PITPNC1: variants seen among roughly 807,000 people sequenced by gnomAD.
PITPNC1 encodes the protein cytoplasmic phosphatidylinositol transfer protein 1.
Under a neutral mutation model 44.7 loss-of-function variants are expected in PITPNC1, and 18 were observed. The ratio of observed to expected loss-of-function variants is 0.40; its 90% CI spans 0.28 to 0.60. The LOEUF (loss-of-function observed/expected upper bound fraction) is 0.60. Ranked by LOEUF, PITPNC1 falls within the 20% of genes least tolerant of loss-of-function variation. PITPNC1 has a pLI of 0.39. For synonymous variants in PITPNC1, 141 were observed against 149.6 expected, an observed-to-expected ratio of 0.94 and a Z score of 0.42; for missense variants, 290 against 418.4, an observed-to-expected ratio of 0.69 and a Z score of 2.68.
intron 1 of PITPNC1, among the ~76,000 whole-genome samples, chr17:67,411,448 G>T (rs1390446300): frequency 1.3e-5 from 2 of 152,128 alleles, no homozygotes; most frequent in Admixed American, 1.3e-4. Context: ...GGGCCGGGGA[G>T]GTGAGCAGCC....
At position 67,494,050 on chromosome 17, in the gene PITPNC1, G is replaced by A. The variant is rs372140149; in HGVS notation, c.49-38752G>A. Among the ~76,000 whole-genome samples, 55 of 152,230 alleles carry A rather than the reference G, an allele frequency of 3.6e-4. No individual in the cohort carries two copies. In the South Asian group the frequency reaches 5.2e-3, roughly 14 times the overall value. ...CAGACAAACCATCCCCTGTCCTTGC[G>A]GAGCTGACCTTCCAGTGGGAGCTTA... On this transcript the variant is annotated intron_variant, in intron 1 of 8. Coordinates refer to ENST00000581322, the MANE Select transcript of PITPNC1 (RefSeq NM_012417.4).
chr17:67,507,962 A>C (rs555722921), intron 1 of PITPNC1, among the ~76,000 whole-genome samples: 26 of 152,230 alleles, frequency 1.7e-4, no homozygotes, highest in Middle Eastern at 3.4e-3. Context: ...TGGGCTGCAA[A>C]CCAGGATGTG....
chr17:67,434,828 G>A (rs946461587), intron 1 of PITPNC1, among the ~76,000 whole-genome samples: 2 of 149,244 alleles, frequency 1.3e-5, no homozygotes, highest in South Asian at 2.1e-4. Flanking sequence ...AAAATAAAAG[G>A]CCAGGCTAGG....
intron 8 of PITPNC1, 50 bp downstream of exon 8, chr17:67,675,592 G>A (rs774978384): frequency 1.2e-5 from 15 of 1,285,342 alleles, no homozygotes; most frequent in African/African-American, 4.4e-5. Context: ...ATGTTGTCTC[G>A]GGCTTTCTGT....
At chr17:67,496,498 C>A (rs562947605) in intron 1 of PITPNC1, among the ~76,000 whole-genome samples, 4 of 152,060 alleles carry the variant, frequency 2.6e-5, no homozygotes, top group Non-Finnish European at 5.9e-5. Context: ...GCACCGGTGA[C>A]GACAATGACC....
At chr17:67,680,461 G>A (rs530242883) in intron 8 of PITPNC1, among the ~76,000 whole-genome samples, 146 of 152,158 alleles carry the variant, frequency 9.6e-4, no homozygotes, top group Middle Eastern at 3.4e-3. Flanking sequence ...TTAGCTAGGC[G>A]TGGTTGCGGG....
intron 2 of PITPNC1, among the ~76,000 whole-genome samples, chr17:67,539,981 C>T (rs1030539298): frequency 2.6e-5 from 4 of 152,064 alleles, no homozygotes; most frequent in African/African-American, 9.7e-5. Flanking sequence ...AGCACCAAAA[C>T]ATGGAGAAAC....
intron 3 of PITPNC1, 101 bp downstream of exon 3, chr17:67,552,446 T>G: frequency 1.3e-6 from 1 of 749,014 alleles, no homozygotes. Context: ...CAGGGCCTTG[T>G]GGGAGCCCCG....
chr17:67,423,665 C>T (rs575424918), intron 1 of PITPNC1, among the ~76,000 whole-genome samples: 140 of 152,172 alleles, frequency 9.2e-4, no homozygotes, highest in Middle Eastern at 3.4e-3. Flanking sequence ...GATGGATGTG[C>T]GCCCAGGTAT....
At chr17:67,612,682 G>C (rs942405462) in intron 5 of PITPNC1, 1 of 120,492 alleles carries the variant, frequency 8.3e-6, no homozygotes, top group Non-Finnish European at 1.6e-5. Context: ...CGGATGGATG[G>C]ATGGATGGAT....
intron 1 of PITPNC1, chr17:67,379,356 G>A: frequency 1.0e-6 from 1 of 985,468 alleles, no homozygotes; most frequent in Non-Finnish European, 1.2e-6. Context: ...GAGCTCACAG[G>A]GGCTGTCCGT....
intron 5 of PITPNC1, among the ~76,000 whole-genome samples, chr17:67,620,203 G>T (rs2041811985): frequency 6.6e-6 from 1 of 152,026 alleles, no homozygotes; most frequent in South Asian, 2.1e-4. Flanking sequence ...ATAGATGCTT[G>T]CCACCACACC....
chr17:67,492,931 C>T (rs79672383), intron 1 of PITPNC1, among the ~76,000 whole-genome samples: 1,895 of 152,252 alleles, frequency 0.012, 19 homozygotes, highest in Non-Finnish European at 0.02. Context: ...TTTGGGGCTA[C>T]GACAAAGAGT....
intron 1 of PITPNC1, among the ~76,000 whole-genome samples, chr17:67,445,422 G>A (rs1200091423): frequency 2.6e-5 from 4 of 151,970 alleles, no homozygotes; most frequent in African/African-American, 9.7e-5. Flanking sequence ...ACCGCTTTCT[G>A]AGCCCCAACA....
chr17:67,421,339 A>G (rs1214031036), intron 1 of PITPNC1, among the ~76,000 whole-genome samples: 4 of 152,024 alleles, frequency 2.6e-5, no homozygotes, highest in South Asian at 2.1e-4. Context: ...CTGGAGTGCA[A>G]TGGTGTGATC....
At chr17:67,566,360 T>C (rs2040981588) in intron 4 of PITPNC1, among the ~76,000 whole-genome samples, 1 of 152,094 alleles carries the variant, frequency 6.6e-6, no homozygotes, top group African/African-American at 2.4e-5. Flanking sequence ...TGCACCACCA[T>C]GCCCAGCTAA....
At chr17:67,423,066 A>T (rs1476964092) in intron 1 of PITPNC1, among the ~76,000 whole-genome samples, 1 of 152,032 alleles carries the variant, frequency 6.6e-6, no homozygotes, top group East Asian at 1.9e-4. Context: ...CTCAACTGCT[A>T]ACTGTTTTGA....
At chr17:67,512,655 C>T (rs1237979858) in intron 1 of PITPNC1, among the ~76,000 whole-genome samples, 2 of 152,020 alleles carry the variant, frequency 1.3e-5, no homozygotes, top group Non-Finnish European at 2.9e-5. Flanking sequence ...TCTTATTAGA[C>T]TCTAAACTCC....
intron 6 of PITPNC1, among the ~76,000 whole-genome samples, chr17:67,640,079 CT>C (rs112006423): frequency 1.6e-4 from 24 of 148,704 alleles, no homozygotes; most frequent in Admixed American, 2.7e-4. Context: ...CTGTTATTAT[CT>C]TTTTTTTTTT....
Sources: gnomAD v4.1 joint callset for allele counts (sites outside exome capture counted in the v4.1 genomes callset) on GRCh38, gnomAD v4.1.1 for gene constraint, MANE v1.5 for transcripts, NCBI Gene and HGNC (gene_info 2026-07-23, HGNC 2026-07-21) for gene names.